COPS2: variants seen among roughly 807,000 people sequenced by gnomAD.
COPS2 encodes the protein COP9 signalosome subunit 2, also known as COP9 signalosome complex subunit 2.
Under a neutral mutation model 66.1 loss-of-function variants are expected in COPS2, and 10 were observed. That is an observed-to-expected ratio of 0.15 (90% CI 0.09 to 0.26). The LOEUF is 0.26. COPS2 is among the 10% of genes least tolerant of loss of function. The pLI, the probability that COPS2 is intolerant of heterozygous loss-of-function variation, is 1.00. For missense variants in COPS2, 215 were observed against 513.3 expected, an observed-to-expected ratio of 0.42 and a Z score of 5.62; for synonymous variants, 179 against 171.3, an observed-to-expected ratio of 1.04 and a Z score of -0.35.
intron 11 of COPS2, among the ~76,000 whole-genome samples, chr15:49,129,242 C>T (rs1477428447): frequency 6.6e-6 from 1 of 151,072 alleles, no homozygotes; most frequent in Non-Finnish European, 1.5e-5. Context: ...CTACAGTGTG[C>T]CACACTGTGC....
Position 49,127,032 on chromosome 15 carries a change from T to C in COPS2, c.*918A>G, listed in dbSNP as rs1161943631. ...AGAGTAACATTCATTTAGCTGTCTA[T>C]GTTCTGGCATATTCGTTTAAAGTGA... On this transcript the variant is annotated 3_prime_UTR_variant, in exon 13 of 13. Transcript: ENST00000388901. The C allele has an allele frequency of 6.6e-6, 1 of 152,144 alleles. No individual in the cohort carries two copies. The highest frequency in any genetic ancestry group is 1.5e-5 in the Non-Finnish European group (1 of 67,990). 9.4% of individuals were successfully genotyped at this position (152,144 alleles called of 1,614,324 possible). A position where few individuals can be genotyped will look rare whatever the true frequency, so the allele number is the denominator to read the frequency against.
At chr15:49,137,742 TG>T (rs2084264051) in intron 4 of COPS2, 1 of 215,572 alleles carries the variant, frequency 4.6e-6, no homozygotes, top group South Asian at 1.3e-4. Flanking sequence ...TAATACATTC[TG>T]TATTTTATTT....
intron 6 of COPS2, among the ~76,000 whole-genome samples, 158 bp downstream of exon 6, chr15:49,136,992 C>CAA (rs80034361): frequency 6.3e-5 from 9 of 143,092 alleles, no homozygotes; most frequent in South Asian, 2.2e-4. Flanking sequence ...CCCTCTCTCT[C>CAA]AAAAAAAAAA....
intron 12 of COPS2, 115 bp downstream of exon 12, chr15:49,128,586 AC>A (rs2084185815): frequency 8.9e-6 from 6 of 671,374 alleles, no homozygotes; most frequent in Non-Finnish European, 1.5e-5. Context: ...CTAATAGAAA[AC>A]CATACCCAAG....
rs150063680 is a variant in COPS2 at position 49,144,326 on chromosome 15, T to C, written c.169-22A>G. The C allele has an allele frequency of 1.8e-4, 259 of 1,416,684 alleles. 2 individuals are homozygous for C. In the East Asian group the frequency reaches 5.6e-3, roughly 31 times the overall value. The allele number at this position is 1,416,684 out of a possible 1,614,324, so 87.8% of individuals were successfully genotyped here. ...AAACCTAAAAAGAGGAAGAAATTTT[T>C]AGTTTATCTTAATATTAACACATTA... On this transcript the variant is annotated intron_variant, in intron 2 of 12. Coordinates refer to ENST00000388901, the MANE Select transcript of COPS2 (RefSeq NM_004236.4).
At chr15:49,134,601 A>C in intron 6 of COPS2, 87 bp from the exon 7 acceptor site, 1 of 1,069,564 alleles carries the variant, frequency 9.3e-7, no homozygotes, top group Non-Finnish European at 1.3e-6. Flanking sequence ...TACATTTATA[A>C]TACTATTTCC....
chr15:49,142,415 G>C (rs528823922), intron 3 of COPS2, among the ~76,000 whole-genome samples: 1 of 152,300 alleles, frequency 6.6e-6, no homozygotes, highest in South Asian at 2.1e-4. Context: ...ACCTCAAAAA[G>C]AAGAGGTACA....
intron 4 of COPS2, 140 bp from the exon 5 acceptor site, chr15:49,137,577 A>C (rs899456599): frequency 1.6e-6 from 1 of 607,252 alleles, no homozygotes; most frequent in African/African-American, 1.9e-5. Context: ...TGTCTTCTAC[A>C]GTCCAAAAAA....
At chr15:49,144,669 T>C (rs1003750686) in intron 2 of COPS2, among the ~76,000 whole-genome samples, 3 of 152,186 alleles carry the variant, frequency 2.0e-5, no homozygotes, top group East Asian at 3.9e-4. Flanking sequence ...ACTGTATGAT[T>C]TACCCCTAAA....
Position 49,126,185 on chromosome 15 carries a change from A to G in COPS2, c.*1765T>C, listed in dbSNP as rs1042721626. On this transcript the variant is annotated 3_prime_UTR_variant, in exon 13 of 13. Transcript: ENST00000388901. ...AAGAGAAAATACACATAATTTTATAATATCTTAAACTTTTATTCCCTACCA... is the reference window on the plus strand; with the variant it reads ...AAGAGAAAATACACATAATTTTATAGTATCTTAAACTTTTATTCCCTACCA... The G allele has an allele frequency of 1.3e-5, 2 of 152,500 alleles. No homozygotes were observed. Among genetic ancestry groups the G allele is most frequent in the Admixed American group, 6.5e-5 (1 of 15,276 alleles). 9.4% of individuals were successfully genotyped at this position (152,500 alleles called of 1,614,324 possible). A position where few individuals can be genotyped will look rare whatever the true frequency, so the allele number is the denominator to read the frequency against.
intron 1 of COPS2, among the ~76,000 whole-genome samples, chr15:49,149,142 C>A (rs75026498): frequency 0.019 from 2,963 of 152,168 alleles, 32 homozygotes; most frequent in Non-Finnish European, 0.026. Context: ...AATAAAAAAA[C>A]CCCCTAAAGT....
intron 9 of COPS2, among the ~76,000 whole-genome samples, chr15:49,132,087 AG>A (rs1184410447): frequency 1.8e-4 from 28 of 152,290 alleles, no homozygotes; most frequent in African/African-American, 6.7e-4. Flanking sequence ...TCTAGGGTAA[AG>A]CTTTTCCTCA....
intron 1 of COPS2, among the ~76,000 whole-genome samples, chr15:49,147,900 TATAA>T (rs2084332481): frequency 1.3e-5 from 2 of 152,204 alleles, no homozygotes; most frequent in Admixed American, 1.3e-4. Context: ...TGCTAAAATA[TATAA>T]ATACATGAGA....
chr15:49,122,906 T>C lies in COPS2; in HGVS notation c.*5044A>G, dbSNP rs2084136045. Reference sequence around the variant, plus strand: ...ACATCCTGTTACATTCCTAATCACCTACTACTTCCTTCCCACCTAGTGTTA... The same window carrying C: ...ACATCCTGTTACATTCCTAATCACCCACTACTTCCTTCCCACCTAGTGTTA... On this transcript the variant is annotated 3_prime_UTR_variant, in exon 13 of 13. Transcript: ENST00000388901. The C allele has an allele frequency of 6.6e-6, 1 of 152,220 alleles. No homozygotes were observed. The allele number at this position is 152,220 out of a possible 1,614,324, so 9.4% of individuals were successfully genotyped here.
intron 6 of COPS2, 92 bp downstream of exon 6, chr15:49,137,058 A>G: frequency 1.3e-6 from 1 of 759,934 alleles, no homozygotes. Context: ...GCTTAAACTA[A>G]AACATCCCTA....
At chr15:49,136,760 G>A (rs970518109) in intron 6 of COPS2, among the ~76,000 whole-genome samples, 8 of 152,122 alleles carry the variant, frequency 5.3e-5, no homozygotes, top group African/African-American at 1.9e-4. Flanking sequence ...TGGCCGAGGC[G>A]GTGATCGCCT....
chr15:49,124,075 G>T lies in COPS2; in HGVS notation c.*3875C>A, dbSNP rs570078717. 2.0e-5 allele frequency: 3 copies of T among 152,238 alleles called. No homozygotes were observed. The South Asian group carries it at 6.2e-4, about 32-fold the overall frequency. The allele number at this position is 152,238 out of a possible 1,614,324, so 9.4% of individuals were successfully genotyped here. A position where few individuals can be genotyped will look rare whatever the true frequency, so the allele number is the denominator to read the frequency against. On this transcript the variant is annotated 3_prime_UTR_variant, in exon 13 of 13. Coordinates refer to ENST00000388901, the MANE Select transcript of COPS2 (RefSeq NM_004236.4). ...GTTACGAAATTTCTGCCAAATTCCT[G>T]CTTAAAACTGTATCAGGCTGGGCGT...
intron 3 of COPS2, among the ~76,000 whole-genome samples, chr15:49,142,537 A>T (rs2084295871): frequency 6.6e-6 from 1 of 152,178 alleles, no homozygotes; most frequent in African/African-American, 2.4e-5. Flanking sequence ...GGGAAAAAGA[A>T]AGTGGTAACA....
chr15:49,148,838 A>G (rs907284615), intron 1 of COPS2, among the ~76,000 whole-genome samples: 1 of 152,268 alleles, frequency 6.6e-6, no homozygotes, highest in African/African-American at 2.4e-5. Flanking sequence ...CCATATGGGC[A>G]CAAGATAAAG....
Sources: gnomAD v4.1 joint callset for allele counts (sites outside exome capture counted in the v4.1 genomes callset) on GRCh38, gnomAD v4.1.1 for gene constraint, MANE v1.5 for transcripts, NCBI Gene and HGNC (gene_info 2026-07-23, HGNC 2026-07-21) for gene names.